Variants in TGFBR2 observed in about 807,000 individuals in gnomAD.
The protein encoded by TGFBR2 is TGF-beta receptor type-2.
In TGFBR2, 18 loss-of-function variants were observed where a neutral mutation model predicts 49.0. The ratio of observed to expected loss-of-function variants is 0.37; its 90% CI spans 0.25 to 0.54. The LOEUF (loss-of-function observed/expected upper bound fraction) is 0.54. Among genes scored for constraint, TGFBR2 ranks in the 20% least tolerant of loss-of-function variants. TGFBR2 has a pLI of 0.85. For synonymous variants in TGFBR2, 282 were observed against 275.9 expected, an observed-to-expected ratio of 1.02 and a Z score of -0.22; for missense variants, 525 against 722.6, an observed-to-expected ratio of 0.73 and a Z score of 3.13.
Position 30,672,459 on chromosome 3 carries a change from A to G in TGFBR2, c.1254+22A>G, listed in dbSNP as rs759733943. Reference sequence around the variant, plus strand: ...GCAGGTAAGTTAGAGCTAGTGCTAGATCCCCTTTACCTTGAGCCTGGCCTC... The same window carrying G: ...GCAGGTAAGTTAGAGCTAGTGCTAGGTCCCCTTTACCTTGAGCCTGGCCTC... On this transcript the variant is annotated intron_variant, in intron 4 of 6. Coordinates refer to ENST00000295754, the MANE Select transcript of TGFBR2 (RefSeq NM_003242.6). The surrounding 1 kb of genome is among the most constrained non-coding windows in gnomAD (Gnocchi z 4.5). 2 of 1,613,332 alleles carry G rather than the reference A, an allele frequency of 1.2e-6. No homozygotes were observed. The highest frequency in any genetic ancestry group is 8.5e-7 in the Non-Finnish European group (1 of 1,179,306).
At chr3:30,616,200 T>G (rs1698129739) in intron 1 of TGFBR2, among the ~76,000 whole-genome samples, 3 of 152,230 alleles carry the variant, frequency 2.0e-5, no homozygotes, top group African/African-American at 4.8e-5. Flanking sequence ...AGGATTTGTT[T>G]GTTGGTTTAG....
intron 5 of TGFBR2, among the ~76,000 whole-genome samples, chr3:30,681,506 G>A (rs565026530): frequency 2.6e-5 from 4 of 152,250 alleles, no homozygotes; most frequent in South Asian, 2.1e-4. Context: ...ACAGGCAAGC[G>A]TAGTTTTCTC....
intron 1 of TGFBR2, among the ~76,000 whole-genome samples, chr3:30,625,900 A>G (rs1301520102): frequency 6.6e-6 from 1 of 152,148 alleles, no homozygotes; most frequent in African/African-American, 2.4e-5. Context: ...ATCTCTAACT[A>G]CTACATTTTT....
Position 30,613,629 on chromosome 3 carries a change from G to C in TGFBR2, c.94+6652G>C, listed in dbSNP as rs556600419. Reference sequence around the variant, plus strand: ...CTCTTGATGTAGGATGGAGCAGGCAGGGGGGAGGAAGGCAAATTGATTACC... The same window carrying C: ...CTCTTGATGTAGGATGGAGCAGGCACGGGGGAGGAAGGCAAATTGATTACC... On this transcript the variant is annotated intron_variant, in intron 1 of 6. Transcript: ENST00000295754. Among the ~76,000 whole-genome samples the C allele has an allele frequency of 4.6e-5, 7 of 151,984 alleles. No homozygotes were observed. The South Asian group carries it at 6.2e-4, about 14-fold the overall frequency.
chr3:30,661,084 A>C (rs1699115633), intron 3 of TGFBR2, among the ~76,000 whole-genome samples: 1 of 152,192 alleles, frequency 6.6e-6, no homozygotes, highest in Non-Finnish European at 1.5e-5. Flanking sequence ...TAAGAAATGT[A>C]CCTTGCTTTC....
intron 3 of TGFBR2, among the ~76,000 whole-genome samples, chr3:30,667,875 G>A (rs1349360122): frequency 6.6e-6 from 1 of 152,140 alleles, no homozygotes; most frequent in Non-Finnish European, 1.5e-5. Flanking sequence ...TTTGGCCAAA[G>A]TGAAGTCTCT....
intron 1 of TGFBR2, among the ~76,000 whole-genome samples, chr3:30,639,585 T>C (rs1194289067): frequency 6.6e-6 from 1 of 152,208 alleles, no homozygotes; most frequent in African/African-American, 2.4e-5. Context: ...TGTATTAATA[T>C]TTGAGAAGCA....
intron 5 of TGFBR2, among the ~76,000 whole-genome samples, chr3:30,682,838 G>A (rs766623722): frequency 3.9e-5 from 6 of 152,164 alleles, no homozygotes; most frequent in Non-Finnish European, 7.3e-5. Flanking sequence ...CCTTCTCAAG[G>A]TTGTATGCTG....
At chr3:30,690,109 A>G (rs551909325) in intron 6 of TGFBR2, among the ~76,000 whole-genome samples, 1 of 152,260 alleles carries the variant, frequency 6.6e-6, no homozygotes, top group African/African-American at 2.4e-5. Context: ...AACAAGTAGA[A>G]AAAGTGCCAG....
chr3:30,678,798 C>A lies in TGFBR2; in HGVS notation c.1396+4552C>A, dbSNP rs151085316. On this transcript the variant is annotated intron_variant, in intron 5 of 6. Transcript: ENST00000295754. Reference sequence around the variant, plus strand: ...ACTTTTTTAAGCTATGGAACATTAACCTCTCTGTTCCCAGTTGTTAATGAG... The same window carrying A: ...ACTTTTTTAAGCTATGGAACATTAAACTCTCTGTTCCCAGTTGTTAATGAG... Among the ~76,000 whole-genome samples, 34 of 152,256 alleles carry A rather than the reference C, an allele frequency of 2.2e-4. No individual in the cohort carries two copies. In the East Asian group the frequency reaches 3.1e-3, roughly 14 times the overall value.
intron 3 of TGFBR2, among the ~76,000 whole-genome samples, chr3:30,657,587 GTATT>G (rs1699030890): frequency 6.6e-6 from 1 of 152,292 alleles, no homozygotes; most frequent in Admixed American, 6.5e-5. Flanking sequence ...GAGGATAAAT[GTATT>G]TATTTATGTA....
chr3:30,608,866 T>C (rs1293940590), intron 1 of TGFBR2, among the ~76,000 whole-genome samples: 1 of 152,228 alleles, frequency 6.6e-6, no homozygotes, highest in African/African-American at 2.4e-5. Context: ...TGCTAATAAA[T>C]ATTTAAAATG....
intron 5 of TGFBR2, among the ~76,000 whole-genome samples, chr3:30,687,453 C>G (rs1210725753): frequency 6.6e-6 from 1 of 152,028 alleles, no homozygotes; most frequent in Non-Finnish European, 1.5e-5. Flanking sequence ...TCTCAAACTC[C>G]CGGAGTCAAG....
At chr3:30,607,946 ATT>A (rs371844015) in intron 1 of TGFBR2, among the ~76,000 whole-genome samples, 4 of 141,976 alleles carry the variant, frequency 2.8e-5, no homozygotes, top group Admixed American at 7.1e-5. Context: ...CAAAAGTTAG[ATT>A]TTTTTTTTTT....
chr3:30,670,358 C>G (rs13064512), intron 3 of TGFBR2, among the ~76,000 whole-genome samples: 40,093 of 152,112 alleles, frequency 0.26, 5,773 homozygotes, highest in Admixed American at 0.35. Flanking sequence ...TGCCCTAAGT[C>G]CTCTACTGGG....
At chr3:30,637,666 C>A (rs187771399) in intron 1 of TGFBR2, among the ~76,000 whole-genome samples, 1 of 152,208 alleles carries the variant, frequency 6.6e-6, no homozygotes, top group African/African-American at 2.4e-5. Flanking sequence ...ATAGCCTGGG[C>A]TTCAACACTT....
intron 5 of TGFBR2, 56 bp from the exon 6 acceptor site, chr3:30,688,328 C>T: frequency 2.5e-6 from 4 of 1,613,318 alleles, no homozygotes; most frequent in Non-Finnish European, 3.4e-6. Flanking sequence ...ATGCTCATTT[C>T]CTTTGGCTGC....
Position 30,606,890 on chromosome 3 carries a change from C to T in TGFBR2, c.7C>T (p.Arg3Trp). 6.4e-7 allele frequency: 1 copy of T among 1,570,926 alleles called. No individual in the cohort carries two copies. The change falls in exon 1 of 7, where the codon CGG becomes TGG. Residue 3 changes from arginine to tryptophan, a missense_variant. By Grantham distance (101) the Arg-to-Trp change is moderately radical. This residue lies in a region of TGFBR2 where 376 missense variants were observed against 478.2 expected (regional missense o/e 0.79). Transcript: ENST00000295754. ...ACGAGCAGCGGGGTCTGCCATGGGT[C>T]GGGGGCTGCTCAGGGGCCTGTGGCC... MG[R>W]GLLRGLWPLH...
intron 3 of TGFBR2, among the ~76,000 whole-genome samples, chr3:30,667,333 G>A (rs1418629868): frequency 6.6e-6 from 1 of 152,188 alleles, no homozygotes; most frequent in Non-Finnish European, 1.5e-5. Flanking sequence ...CAGCTGTTGG[G>A]TTTTCTAGTA....
Sources: gnomAD v4.1 joint callset for allele counts (sites outside exome capture counted in the v4.1 genomes callset) on GRCh38, gnomAD v4.1.1 for gene constraint, gnomAD v4.1.1 regional missense constraint, Gnocchi (gnomAD v3.1) non-coding constraint, MANE v1.5 for transcripts, NCBI Gene and HGNC (gene_info 2026-07-23, HGNC 2026-07-21) for gene names.